The following CCSER1 variants were observed in gnomAD, a reference collection of about 807,000 sequenced individuals.
CCSER1 encodes serine-rich coiled-coil domain-containing protein 1.
A neutral mutation model predicts 82.0 loss-of-function variants in CCSER1; 41 were observed. The observed-to-expected ratio is 0.50, with a 90% CI of 0.39 to 0.65. The LOEUF (loss-of-function observed/expected upper bound fraction) is 0.65. Ranked by LOEUF, CCSER1 falls within the 30% of genes least tolerant of loss-of-function variation. The pLI is 0.00. For synonymous variants in CCSER1, 414 were observed against 383.9 expected (o/e 1.08, Z -0.92); for missense variants, 1,119 against 1,064.2 (o/e 1.05, Z -0.72).
chr4:90,369,003 A>G (rs1746836299), intron 3 of CCSER1, among the ~76,000 whole-genome samples: 2 of 151,980 alleles, frequency 1.3e-5, no homozygotes, highest in African/African-American at 2.4e-5. Context: ...AACCTATACA[A>G]TGAAACAATT....
chr4:91,345,908 T>TA (rs1748022463), intron 10 of CCSER1, among the ~76,000 whole-genome samples: 1 of 152,196 alleles, frequency 6.6e-6, no homozygotes, highest in African/African-American at 2.4e-5. Flanking sequence ...TGGCCTTTTC[T>TA]AAAATGACAT....
intron 10 of CCSER1, among the ~76,000 whole-genome samples, chr4:91,414,543 T>C (rs1385205221): frequency 6.6e-6 from 1 of 152,046 alleles, no homozygotes; most frequent in Non-Finnish European, 1.5e-5. Context: ...ATGAACAAAA[T>C]GGCAATAGTA....
intron 5 of CCSER1, among the ~76,000 whole-genome samples, chr4:90,513,233 A>G (rs1228776691): frequency 6.6e-6 from 1 of 152,206 alleles, no homozygotes; most frequent in Non-Finnish European, 1.5e-5. Flanking sequence ...TTTTAACAGG[A>G]TGGTTAGGCC....
rs370521409 is a variant in CCSER1, at chr4:91,547,525, GTA to G, written c.2218-51044_2218-51043del. On this transcript the variant is annotated intron_variant, in intron 10 of 10. Transcript: ENST00000509176. ...CTTTCTCTTGATCAGTATTGGCATA[GTA>G]TACCTTCTTCCTTCTGTTTACTTTT... Among the ~76,000 whole-genome samples the G allele has an allele frequency of 2.2e-4, 33 of 152,222 alleles. 1 individual carries two copies. Among genetic ancestry groups the G allele is most frequent in the Middle Eastern group, 6.8e-3 (2 of 294 alleles).
At chr4:90,986,346 A>G (rs1205367871) in intron 9 of CCSER1, among the ~76,000 whole-genome samples, 1 of 151,816 alleles carries the variant, frequency 6.6e-6, no homozygotes, top group African/African-American at 2.4e-5. Flanking sequence ...ATATTCGTGA[A>G]TATTTCTATT....
At chr4:91,569,934 G>C (rs1293839248) in intron 10 of CCSER1, among the ~76,000 whole-genome samples, 2 of 152,084 alleles carry the variant, frequency 1.3e-5, no homozygotes, top group Non-Finnish European at 2.9e-5. Context: ...CTGTCTATTA[G>C]CCTGTAAAAT....
intron 4 of CCSER1, among the ~76,000 whole-genome samples, chr4:90,458,598 A>G (rs1225904497): frequency 2.0e-5 from 3 of 151,840 alleles, no homozygotes; most frequent in Admixed American, 6.6e-5. Flanking sequence ...CAGGTGATCC[A>G]CCCACCTCAG....
intron 10 of CCSER1, among the ~76,000 whole-genome samples, chr4:91,343,739 G>A (rs1459914526): frequency 2.6e-5 from 4 of 152,116 alleles, no homozygotes; most frequent in Non-Finnish European, 5.9e-5. Context: ...AAGAAAGAGA[G>A]AGGAGGTACT....
intron 10 of CCSER1, among the ~76,000 whole-genome samples, chr4:91,087,649 T>C (rs1243055720): frequency 6.6e-6 from 1 of 152,126 alleles, no homozygotes; most frequent in Non-Finnish European, 1.5e-5. Context: ...ATTTTGGCCT[T>C]CTCCCTCAGG....
intron 7 of CCSER1, among the ~76,000 whole-genome samples, chr4:90,746,579 A>G (rs1210339659): frequency 6.6e-6 from 1 of 152,114 alleles, no homozygotes; most frequent in Non-Finnish European, 1.5e-5. Context: ...TAGGGAATTC[A>G]GTGTCAGATT....
intron 6 of CCSER1, among the ~76,000 whole-genome samples, chr4:90,646,874 C>T (rs760007115): frequency 2.0e-5 from 3 of 152,064 alleles, no homozygotes; most frequent in Non-Finnish European, 4.4e-5. Flanking sequence ...CAAAAGTGTC[C>T]TGGGATCCAC....
intron 10 of CCSER1, among the ~76,000 whole-genome samples, chr4:91,128,065 C>A (rs914189451): frequency 6.6e-6 from 1 of 152,066 alleles, no homozygotes. Context: ...GCTGCTCCCC[C>A]ACATGCCACT....
intron 5 of CCSER1, among the ~76,000 whole-genome samples, chr4:90,476,426 G>C (rs557253230): frequency 6.6e-6 from 1 of 152,236 alleles, no homozygotes; most frequent in African/African-American, 2.4e-5. Context: ...TAGAGGGTCG[G>C]TGGGGGCATT....
intron 10 of CCSER1, among the ~76,000 whole-genome samples, chr4:91,167,546 A>G (rs1373006530): frequency 2.0e-5 from 3 of 152,236 alleles, no homozygotes; most frequent in Non-Finnish European, 4.4e-5. Flanking sequence ...ACACAAAGCA[A>G]TCTGTAATAT....
chr4:91,350,486 C>T (rs1156671029), intron 10 of CCSER1, among the ~76,000 whole-genome samples: 1 of 152,012 alleles, frequency 6.6e-6, no homozygotes. Context: ...CTGGCACAAG[C>T]AGGAAAAGAA....
chr4:90,498,030 C>A (rs114238352), intron 5 of CCSER1, among the ~76,000 whole-genome samples: 2,190 of 151,494 alleles, frequency 0.014, 16 homozygotes, highest in Non-Finnish European at 0.022. Flanking sequence ...TATAATTGAG[C>A]CTTAATGTTT....
rs1424130684 is a variant in CCSER1, at chr4:90,850,929, AT to A, written c.2094+35086del. ...CCCAAATCTCACCTTGAATTGTCAT[AT>A]TCCCCACATTTCAAGGGTAGAACCA... is the stretch of plus-strand genomic sequence containing the variant. On this transcript the variant is annotated intron_variant, in intron 8 of 10. Transcript: ENST00000509176. Among the ~76,000 whole-genome samples the A allele has an allele frequency of 2.0e-5, 3 of 152,170 alleles. No individual in the cohort carries two copies. In the East Asian group the frequency reaches 5.8e-4, roughly 29 times the overall value.
In CCSER1 at chr4:91,432,280, G is replaced by A. The variant is rs114371893; in HGVS notation, c.2218-166292G>A. On this transcript the variant is annotated intron_variant, in intron 10 of 10. Transcript: ENST00000509176. ...CTCAATTAGTTCTTTATAGCAGTGT[G>A]ATAATGGACTACTACAATAATTAAT... Among the ~76,000 whole-genome samples, 565 of 152,218 alleles carry A rather than the reference G, an allele frequency of 3.7e-3. 2 individuals are homozygous for A. Among genetic ancestry groups the A allele is most frequent in the African/African-American group, 0.013 (549 of 41,528 alleles).
At chr4:90,193,830 T>G (rs1296081753) in intron 1 of CCSER1, among the ~76,000 whole-genome samples, 3 of 152,072 alleles carry the variant, frequency 2.0e-5, no homozygotes, top group Non-Finnish European at 4.4e-5. Context: ...TAATAAATCC[T>G]GCTAGTCTAG....
Sources: gnomAD v4.1 joint callset for allele counts (sites outside exome capture counted in the v4.1 genomes callset) on GRCh38, gnomAD v4.1.1 for gene constraint, MANE v1.5 for transcripts, NCBI Gene and HGNC (gene_info 2026-07-23, HGNC 2026-07-21) for gene names.